The following TRIM37 variants were observed in gnomAD, a reference collection of about 807,000 sequenced individuals.
The protein encoded by TRIM37 is E3 ubiquitin-protein ligase TRIM37.
TRIM37 carries 80 observed loss-of-function variants against 129.8 expected under a neutral mutation model. The observed-to-expected ratio is 0.62, with a 90% CI of 0.51 to 0.74. The LOEUF is 0.74. Among genes scored for constraint, TRIM37 ranks in the 30% least tolerant of loss-of-function variants. The pLI is 0.00. For synonymous variants in TRIM37, 389 were observed against 387.1 expected, an observed-to-expected ratio of 1.00 and a Z score of -0.06; for missense variants, 1,054 against 1,176.5, an observed-to-expected ratio of 0.90 and a Z score of 1.52.
intron 17 of TRIM37, among the ~76,000 whole-genome samples, chr17:59,040,842 C>T (rs1229533610): frequency 4.6e-5 from 7 of 151,464 alleles, no homozygotes; most frequent in African/African-American, 1.5e-4. Context: ...GTCAGGAGAT[C>T]AAGACCATCC....
At chr17:59,072,859 T>C (rs1366076022) in intron 8 of TRIM37, among the ~76,000 whole-genome samples, 1 of 152,076 alleles carries the variant, frequency 6.6e-6, no homozygotes. Flanking sequence ...AATGACATAA[T>C]GGTAAGTGGT....
chr17:58,992,255 AT>A (rs1567915174), intron 24 of TRIM37, among the ~76,000 whole-genome samples: 4 of 145,608 alleles, frequency 2.7e-5, no homozygotes, highest in Admixed American at 7.0e-5. Flanking sequence ...TGATATATAT[AT>A]ATATAAATAT....
At chr17:59,024,087 G>C (rs1052685645) in intron 19 of TRIM37, among the ~76,000 whole-genome samples, 11 of 151,666 alleles carry the variant, frequency 7.3e-5, no homozygotes, top group African/African-American at 2.7e-4. Context: ...GGTGGCATGT[G>C]CCTCTAATCC....
chr17:59,090,889 G>A (rs774612474), intron 3 of TRIM37, among the ~76,000 whole-genome samples: 68 of 152,248 alleles, frequency 4.5e-4, no homozygotes, highest in Non-Finnish European at 7.2e-4. Context: ...GCCTCCCAAA[G>A]TGCTGGGATT....
At chr17:58,967,618 A>T in the TRIM37 span, among the ~76,000 whole-genome samples, 1 of 151,810 alleles carries the variant, frequency 6.6e-6, no homozygotes, top group African/African-American at 2.4e-5. Flanking sequence ...ATTATCATAC[A>T]TTATTATAAT....
At chr17:59,086,827 C>T (rs1599466002) in intron 4 of TRIM37, among the ~76,000 whole-genome samples, 1 of 152,114 alleles carries the variant, frequency 6.6e-6, no homozygotes, top group Non-Finnish European at 1.5e-5. Context: ...AGGCATCAAA[C>T]AGCAAGTAAG....
At chr17:58,996,863 C>G (rs765599795), downstream of TRIM37, among the ~76,000 whole-genome samples, 1 of 151,318 alleles carries the variant, frequency 6.6e-6, no homozygotes, top group Non-Finnish European at 1.5e-5. Flanking sequence ...AACATCATAT[C>G]CCCCCTGATG....
chr17:59,043,969 G>A (rs1043529206), intron 16 of TRIM37, among the ~76,000 whole-genome samples: 1 of 152,188 alleles, frequency 6.6e-6, no homozygotes, highest in Non-Finnish European at 1.5e-5. Flanking sequence ...TGTGGGCTCT[G>A]CATCTGTGCA....
At chr17:59,061,232 A>T in intron 11 of TRIM37, 124 bp from the exon 12 acceptor site, 1 of 755,184 alleles carries the variant, frequency 1.3e-6, no homozygotes. Flanking sequence ...AGAAATAATT[A>T]AAAACACCAA....
intron 24 of TRIM37, among the ~76,000 whole-genome samples, chr17:58,991,044 G>A (rs528271518): frequency 9.9e-5 from 15 of 150,800 alleles, no homozygotes; most frequent in African/African-American, 3.4e-4. Flanking sequence ...GTGTGGTGGC[G>A]CACGCCTGTA....
chr17:59,037,063 C>T (rs1209380790), intron 17 of TRIM37, among the ~76,000 whole-genome samples: 2 of 151,876 alleles, frequency 1.3e-5, no homozygotes, highest in East Asian at 1.9e-4. Flanking sequence ...TGCAGTGAGC[C>T]GAGATCGTGC....
downstream of TRIM37, chr17:58,998,194 G>C (rs1450763187): frequency 1.0e-6 from 1 of 984,768 alleles, no homozygotes; most frequent in Non-Finnish European, 1.2e-6. Context: ...ATAAACAGCA[G>C]AGGCATATTT....
chr17:58,991,363 T>C (rs568500304), intron 24 of TRIM37, among the ~76,000 whole-genome samples: 85 of 151,412 alleles, frequency 5.6e-4, no homozygotes, highest in African/African-American at 2.0e-3. Flanking sequence ...TGGTAAAACC[T>C]TGTCTCTACT....
At chr17:59,091,450 A>G (rs1233970716) in intron 2 of TRIM37, 110 bp from the exon 3 acceptor site, 1 of 190,624 alleles carries the variant, frequency 5.2e-6, no homozygotes, top group Non-Finnish European at 1.1e-5. Context: ...TAATATATAT[A>G]ATATATAAAT....
chr17:59,025,128 T>A (rs1242089944), intron 19 of TRIM37, among the ~76,000 whole-genome samples: 1 of 152,148 alleles, frequency 6.6e-6, no homozygotes, highest in Non-Finnish European at 1.5e-5. Flanking sequence ...GGGAATCTGG[T>A]CTATAATAAA....
the TRIM37 span, among the ~76,000 whole-genome samples, chr17:58,975,220 T>C: frequency 6.6e-6 from 1 of 152,238 alleles, no homozygotes; most frequent in East Asian, 1.9e-4. Context: ...AACACCTATT[T>C]CTCCTGATCT....
downstream of TRIM37, among the ~76,000 whole-genome samples, chr17:58,996,820 G>GT (rs1192356513): frequency 3.9e-4 from 57 of 145,240 alleles, no homozygotes; most frequent in African/African-American, 1.2e-3. Context: ...GTGTGTGTGT[G>GT]TATGTATGTA....
chr17:59,011,390 A>C (rs2144890310), intron 22 of TRIM37, among the ~76,000 whole-genome samples: 1 of 152,308 alleles, frequency 6.6e-6, no homozygotes, highest in South Asian at 2.1e-4. Context: ...GAAACCTGAA[A>C]ATGCCACCAC....
At chr17:59,053,381 T>C (rs1599192102) in intron 13 of TRIM37, among the ~76,000 whole-genome samples, 2 of 152,338 alleles carry the variant, frequency 1.3e-5, no homozygotes, top group East Asian at 3.9e-4. Context: ...TGAAGCCCCC[T>C]ATCCACAAAC....
Sources: allele counts gnomAD v4.1 joint callset (sites outside exome capture counted in the v4.1 genomes callset), GRCh38; gene constraint gnomAD v4.1.1; transcripts MANE v1.5; gene names NCBI Gene and HGNC (gene_info 2026-07-23, HGNC 2026-07-21).